Variants in GALNT7 observed in about 807,000 individuals in gnomAD.
GALNT7 encodes N-acetylgalactosaminyltransferase 7.
In GALNT7, 60 loss-of-function variants were observed where a neutral mutation model predicts 82.1. The ratio of observed to expected loss-of-function variants is 0.73; its 90% CI spans 0.59 to 0.91. The LOEUF (loss-of-function observed/expected upper bound fraction) is 0.91, where lower values mean the gene tolerates loss of function less well. Among genes scored for constraint, GALNT7 ranks in the 40% least tolerant of loss-of-function variants. The pLI, the probability that GALNT7 is intolerant of heterozygous loss-of-function variation, is 0.00. For synonymous variants in GALNT7, 243 were observed against 275.1 expected (o/e 0.88, Z 1.15); for missense variants, 660 against 804.2 (o/e 0.82, Z 2.17).
intron 1 of GALNT7, among the ~76,000 whole-genome samples, chr4:173,234,367 T>C (rs11721513): frequency 0.016 from 2,378 of 152,326 alleles, 42 homozygotes; most frequent in Non-Finnish European, 0.021. Context: ...ACCTCTTCAC[T>C]GAGCTATAAA....
chr4:173,277,664 G>T (rs1479183581), intron 2 of GALNT7, among the ~76,000 whole-genome samples: 1 of 152,174 alleles, frequency 6.6e-6, no homozygotes. Flanking sequence ...AGACATTCTA[G>T]ATATGTATTC....
At chr4:173,240,483 C>T (rs956316748) in intron 1 of GALNT7, among the ~76,000 whole-genome samples, 2 of 151,524 alleles carry the variant, frequency 1.3e-5, no homozygotes, top group African/African-American at 4.9e-5. Context: ...GTTCTCCTGC[C>T]TAGGCCTCCC....
At chr4:173,316,645 A>G (rs1414571832) in intron 9 of GALNT7, 3 of 152,240 alleles carry the variant, frequency 2.0e-5, no homozygotes, top group Non-Finnish European at 4.4e-5. Context: ...TGATGATTGA[A>G]TAAATACATG....
At chr4:173,178,050 T>TGCGC (rs539639870) in intron 1 of GALNT7, among the ~76,000 whole-genome samples, 5,024 of 117,322 alleles carry the variant, frequency 0.043, 112 homozygotes, top group African/African-American at 0.057. Context: ...TGTGTGTGTG[T>TGCGC]GTGCGCGCAC....
chr4:173,308,098 T>G (rs1201215471), intron 8 of GALNT7, among the ~76,000 whole-genome samples: 3 of 152,232 alleles, frequency 2.0e-5, no homozygotes, highest in Non-Finnish European at 4.4e-5. Context: ...TCACAGGTGA[T>G]CCTGTCCTAT....
In GALNT7 at chr4:173,247,962, C is replaced by T. The variant is rs968565424; in HGVS notation, c.127-18C>T. Reference sequence around the variant, plus strand: ...TTGCCTTCATGTACTCATTGTATATCCCCTCCCTTTTGTATAGGAAGACAG... The same window carrying T: ...TTGCCTTCATGTACTCATTGTATATTCCCTCCCTTTTGTATAGGAAGACAG... On this transcript the variant is annotated intron_variant, in intron 1 of 11. Coordinates refer to ENST00000265000, the MANE Select transcript of GALNT7 (RefSeq NM_017423.3). The T allele has an allele frequency of 9.1e-6, 14 of 1,540,852 alleles. No individual in the cohort carries two copies. The highest frequency in any genetic ancestry group is 8.5e-5 in the Admixed American group (5 of 58,584).
chr4:173,198,226 A>ATTTTTTTTTTTT (rs35936188), intron 1 of GALNT7, among the ~76,000 whole-genome samples: 1 of 138,910 alleles, frequency 7.2e-6, no homozygotes, highest in Non-Finnish European at 1.5e-5. Flanking sequence ...TGCCTGGCTA[A>ATTTTTTTTTTTT]TTTTTTTTTT....
intron 1 of GALNT7, among the ~76,000 whole-genome samples, chr4:173,206,308 A>G (rs1373976347): frequency 6.6e-6 from 1 of 152,060 alleles, no homozygotes; most frequent in Non-Finnish European, 1.5e-5. Context: ...TGTCCTTCCT[A>G]CCTTCTTCAA....
chr4:173,217,021 A>G lies in GALNT7; in HGVS notation c.127-30959A>G, dbSNP rs542146013. The stretch of plus-strand genomic sequence containing the variant: ...GCTGGGATTACAGGTGTGAGCCACC[A>G]TGCCTGGCCCTTATTATATATTTTT... On this transcript the variant is annotated intron_variant, in intron 1 of 11. Coordinates refer to ENST00000265000, the MANE Select transcript of GALNT7 (RefSeq NM_017423.3). Among the ~76,000 whole-genome samples, 7 of 151,978 alleles carry G rather than the reference A, an allele frequency of 4.6e-5. No homozygotes were observed. In the East Asian group the frequency reaches 1.4e-3, roughly 29 times the overall value.
chr4:173,182,925 T>TACACACACAG (rs1554020050), intron 1 of GALNT7, among the ~76,000 whole-genome samples: 1 of 134,198 alleles, frequency 7.5e-6, no homozygotes, highest in African/African-American at 2.9e-5. Flanking sequence ...TTACTCATAA[T>TACACACACAG]ACACACACAC....
In GALNT7 at chr4:173,292,407, A is replaced by G; in HGVS notation, c.754+133A>G. 1.7e-6 allele frequency: 1 copy of G among 587,564 alleles called. No homozygotes were observed. Among genetic ancestry groups the G allele is most frequent in the Admixed American group, 3.5e-5 (1 of 28,472 alleles). The allele number at this position is 587,564 out of a possible 1,614,324, so 36.4% of individuals were successfully genotyped here. A position where few individuals can be genotyped will look rare whatever the true frequency, so the allele number is the denominator to read the frequency against. ...GATAGCATCTGTTATCAACAAGTTG[A>G]CACTGTGCCAAGCATTGTATGTGAG... On this transcript the variant is annotated intron_variant, in intron 3 of 11. Transcript: ENST00000265000. The surrounding 1 kb of genome is among the most constrained non-coding windows in gnomAD (Gnocchi z 4.8).
At chr4:173,222,361 C>A (rs1733675147) in intron 1 of GALNT7, among the ~76,000 whole-genome samples, 1 of 152,162 alleles carries the variant, frequency 6.6e-6, no homozygotes, top group South Asian at 2.1e-4. Flanking sequence ...CAACCTCTAC[C>A]TCTTGGGTTC....
chr4:173,302,289 A>G lies in GALNT7; in HGVS notation c.1266+125A>G, dbSNP rs765937310. 73 of 702,166 alleles carry G rather than the reference A, an allele frequency of 1.0e-4. No homozygotes were observed. Among genetic ancestry groups the G allele is most frequent in the Non-Finnish European group, 4.9e-5 (19 of 390,650 alleles). The allele number at this position is 702,166 out of a possible 1,614,324, so 43.5% of individuals were successfully genotyped here. The stretch of plus-strand genomic sequence containing the variant: ...TATATCATGCATTTCTCCAAATTGT[A>G]TAGAATGATTTAATGAAAATGGATG... On this transcript the variant is annotated intron_variant, in intron 7 of 11. Transcript: ENST00000265000. This position sits in a 1 kb window ranked among gnomAD's most constrained non-coding sequence, Gnocchi z 4.2.
chr4:173,297,728 C>T (rs183096678), intron 5 of GALNT7: 41 of 672,656 alleles, frequency 6.1e-5, no homozygotes, highest in Admixed American at 1.8e-4. Context: ...AAAGAGATAA[C>T]GTAGTTAGGC....
At chr4:173,181,825 C>T (rs1202626738) in intron 1 of GALNT7, among the ~76,000 whole-genome samples, 2 of 152,164 alleles carry the variant, frequency 1.3e-5, no homozygotes, top group African/African-American at 4.8e-5. Flanking sequence ...TTCCCAGTGT[C>T]CTATTTGAAA....
rs541997246 is a variant in GALNT7 at position 173,224,887 on chromosome 4, C to T, written c.127-23093C>T. On this transcript the variant is annotated intron_variant, in intron 1 of 11. Coordinates refer to ENST00000265000, the MANE Select transcript of GALNT7 (RefSeq NM_017423.3). Reference sequence around the variant, plus strand: ...AAAATTAGCCAGGCGTGGTGGCGCGCGCCTGTAGTCCCAGCTACTCGGGAG... The same window carrying T: ...AAAATTAGCCAGGCGTGGTGGCGCGTGCCTGTAGTCCCAGCTACTCGGGAG... Among the ~76,000 whole-genome samples the T allele has an allele frequency of 2.3e-3, 350 of 151,594 alleles. 2 individuals are homozygous for T. The highest frequency in any genetic ancestry group is 3.8e-3 in the Non-Finnish European group (259 of 67,884).
Position 173,317,696 on chromosome 4 carries a change from T to C in GALNT7, c.1671T>C (p.Val557=), listed in dbSNP as rs1386199105. 1 of 1,613,026 alleles carries C rather than the reference T, an allele frequency of 6.2e-7. No individual in the cohort carries two copies. The highest frequency in any genetic ancestry group is 8.5e-7 in the Non-Finnish European group (1 of 1,179,038). ...TGGGAAAAACAAATGGAGGCTTTGT[T>C]GAACTAGGACCCTGCCACAGGATGG... ...DSMGKTNGGF[V]ELGPCHRMGG... The change falls in exon 10 of 12, where the codon GTT becomes GTC. Residue 557 remains valine (V), a synonymous_variant. Transcript: ENST00000265000.
intron 1 of GALNT7, among the ~76,000 whole-genome samples, chr4:173,220,904 T>A (rs1046289840): frequency 6.6e-6 from 1 of 152,082 alleles, no homozygotes; most frequent in African/African-American, 2.4e-5. Flanking sequence ...TCTATCATTG[T>A]TGGACATTTG....
At chr4:173,212,757 C>A (rs1000992352) in intron 1 of GALNT7, among the ~76,000 whole-genome samples, 2 of 151,740 alleles carry the variant, frequency 1.3e-5, no homozygotes, top group Admixed American at 6.6e-5. Context: ...CATATCAATA[C>A]AACAGAACAA....
Sources: gnomAD v4.1 joint callset for allele counts (sites outside exome capture counted in the v4.1 genomes callset) on GRCh38, gnomAD v4.1.1 for gene constraint, Gnocchi (gnomAD v3.1) non-coding constraint, MANE v1.5 for transcripts, NCBI Gene and HGNC (gene_info 2026-07-23, HGNC 2026-07-21) for gene names.